CDH22: variants seen among roughly 807,000 people sequenced by gnomAD.
The protein encoded by CDH22 is cadherin 22, also known as cadherin-22.
Under a neutral mutation model 58.4 loss-of-function variants are expected in CDH22, and 30 were observed. That is an observed-to-expected ratio of 0.51 (90% CI 0.38 to 0.70). The LOEUF (loss-of-function observed/expected upper bound fraction) is 0.70. CDH22 is among the 30% of genes least tolerant of loss of function. The pLI, the probability that CDH22 is intolerant of heterozygous loss-of-function variation, is 0.00. For missense variants in CDH22, 1,014 were observed against 1,233.9 expected (o/e 0.82, Z 2.67); for synonymous variants, 513 against 558.2 (o/e 0.92, Z 1.14).
chr20:46,189,671 A>AC (rs1235507201), intron 8 of CDH22, among the ~76,000 whole-genome samples: 4 of 152,196 alleles, frequency 2.6e-5, no homozygotes, highest in Non-Finnish European at 5.9e-5. Flanking sequence ...GTCACAGGTC[A>AC]CCTTGTGAGA....
chr20:46,198,008 A>C (rs546226156), intron 8 of CDH22, among the ~76,000 whole-genome samples: 25 of 152,222 alleles, frequency 1.6e-4, no homozygotes, highest in African/African-American at 5.5e-4. Flanking sequence ...TGCAGCTCAG[A>C]GACTCAACCA....
intron 1 of CDH22, among the ~76,000 whole-genome samples, chr20:46,283,157 A>T (rs1018110611): frequency 2.6e-5 from 4 of 152,206 alleles, no homozygotes; most frequent in African/African-American, 9.6e-5. Context: ...TCCATTTTAC[A>T]GAGGAGATGC....
chr20:46,248,392 G>A (rs140148467), intron 2 of CDH22, among the ~76,000 whole-genome samples: 1 of 152,210 alleles, frequency 6.6e-6, no homozygotes, highest in Non-Finnish European at 1.5e-5. Context: ...TGACATTTAG[G>A]CAGATGCATC....
chr20:46,222,167 A>G (rs1185728252), intron 4 of CDH22, among the ~76,000 whole-genome samples: 1 of 152,198 alleles, frequency 6.6e-6, no homozygotes, highest in Admixed American at 6.5e-5. Flanking sequence ...CACATTTTGG[A>G]GATGCCTTGC....
chr20:46,194,730 T>C (rs1317782203), intron 8 of CDH22, among the ~76,000 whole-genome samples: 1 of 152,204 alleles, frequency 6.6e-6, no homozygotes, highest in African/African-American at 2.4e-5. Flanking sequence ...AAGCTGCTAT[T>C]ATTATTAATT....
intron 1 of CDH22, among the ~76,000 whole-genome samples, chr20:46,290,725 A>C (rs1470855530): frequency 6.6e-6 from 1 of 152,084 alleles, no homozygotes; most frequent in Non-Finnish European, 1.5e-5. Flanking sequence ...GAAGGAGGAG[A>C]GGGCCAGCCC....
intron 8 of CDH22, among the ~76,000 whole-genome samples, chr20:46,198,233 C>T (rs2085923026): frequency 6.6e-6 from 1 of 151,706 alleles, no homozygotes; most frequent in Non-Finnish European, 1.5e-5. Context: ...TGCCATGTCT[C>T]AGGCTCTCTC....
intron 4 of CDH22, among the ~76,000 whole-genome samples, chr20:46,226,861 A>C (rs952627891): frequency 3.3e-5 from 5 of 152,140 alleles, no homozygotes; most frequent in African/African-American, 1.2e-4. Context: ...CAGTCTTCTC[A>C]TCCTGTCCTC....
intron 7 of CDH22, among the ~76,000 whole-genome samples, chr20:46,205,414 C>T (rs1568657779): frequency 6.6e-6 from 1 of 152,278 alleles, no homozygotes; most frequent in East Asian, 1.9e-4. Context: ...AACCGAGGCT[C>T]AGAGGGGGTG....
At chr20:46,189,516 G>C (rs2085849122) in intron 8 of CDH22, among the ~76,000 whole-genome samples, 2 of 152,172 alleles carry the variant, frequency 1.3e-5, no homozygotes, top group Admixed American at 1.3e-4. Flanking sequence ...GGGAGAGACA[G>C]GGTCCTATGG....
At chr20:46,186,436 TG>T in intron 10 of CDH22, 151 bp downstream of exon 10, 1 of 656,496 alleles carries the variant, frequency 1.5e-6, no homozygotes, top group Non-Finnish European at 2.7e-6. Context: ...GCCAGTGGGC[TG>T]GGTAACAGCT....
chr20:46,210,022 G>T lies in CDH22; in HGVS notation c.1286+285C>A. On this transcript the variant is annotated intron_variant, in intron 7 of 11. Coordinates refer to ENST00000537909, the MANE Select transcript of CDH22 (RefSeq NM_021248.3). The surrounding 1 kb of genome is among the most constrained non-coding windows in gnomAD (Gnocchi z 4.5). Reference sequence around the variant, plus strand: ...CTGCAGCCAGCAGCGCGGAGACCCCGCCAGTGCAGTGCCCGCCTCTGTGTC... The same window carrying T: ...CTGCAGCCAGCAGCGCGGAGACCCCTCCAGTGCAGTGCCCGCCTCTGTGTC... 2.8e-6 allele frequency: 1 copy of T among 354,182 alleles called. No individual in the cohort carries two copies. The allele number at this position is 354,182 out of a possible 1,614,324, so 21.9% of individuals were successfully genotyped here.
intron 10 of CDH22, among the ~76,000 whole-genome samples, chr20:46,184,998 A>C (rs1205127992): frequency 1.3e-5 from 2 of 152,144 alleles, no homozygotes; most frequent in African/African-American, 4.8e-5. Context: ...AGGCAAGAGA[A>C]TCTCTTGACC....
chr20:46,254,249 A>T (rs1886667630), intron 1 of CDH22, among the ~76,000 whole-genome samples: 1 of 152,172 alleles, frequency 6.6e-6, no homozygotes, highest in African/African-American at 2.4e-5. Flanking sequence ...CACTGGGGAC[A>T]TAGCAATAAA....
chr20:46,308,076 C>T lies in CDH22; in HGVS notation c.-400+179G>A, dbSNP rs1472116622. 6.6e-6 allele frequency among the ~76,000 whole-genome samples: 1 copy of T among 151,578 alleles called. No individual in the cohort carries two copies. Among genetic ancestry groups the T allele is most frequent in the East Asian group, 2.0e-4 (1 of 5,090 alleles). On this transcript the variant is annotated intron_variant, in intron 1 of 11. Transcript: ENST00000537909. The surrounding 1 kb of genome is among the most constrained non-coding windows in gnomAD (Gnocchi z 4.3). ...GGAAACTCCCTCCCCGCCCTCCCGG[C>T]CGAGAGGAGGGGGCGCGCAGGGCCG...
At chr20:46,214,828 C>G (rs917211247) in intron 5 of CDH22, among the ~76,000 whole-genome samples, 35 of 152,228 alleles carry the variant, frequency 2.3e-4, no homozygotes, top group Admixed American at 6.5e-4. Context: ...TGCGTTTTTA[C>G]TCTCATTTTC....
At chr20:46,218,105 G>A (rs1412376888) in intron 4 of CDH22, among the ~76,000 whole-genome samples, 2 of 152,004 alleles carry the variant, frequency 1.3e-5, no homozygotes, top group Non-Finnish European at 2.9e-5. Flanking sequence ...TGCATTTTTA[G>A]TAGAGACAGG....
chr20:46,214,441 C>T (rs974799924), intron 5 of CDH22, among the ~76,000 whole-genome samples: 6 of 152,276 alleles, frequency 3.9e-5, no homozygotes, highest in African/African-American at 7.2e-5. Flanking sequence ...TTCTGAAACA[C>T]GAGATGAACA....
intron 7 of CDH22, among the ~76,000 whole-genome samples, chr20:46,202,809 C>G (rs1444992091): frequency 6.6e-6 from 1 of 152,176 alleles, no homozygotes; most frequent in Non-Finnish European, 1.5e-5. Context: ...ATCATCAGCT[C>G]AGCTGGAAAG....
Sources: gnomAD v4.1 joint callset for allele counts (sites outside exome capture counted in the v4.1 genomes callset) on GRCh38, gnomAD v4.1.1 for gene constraint, Gnocchi (gnomAD v3.1) non-coding constraint, MANE v1.5 for transcripts, NCBI Gene and HGNC (gene_info 2026-07-23, HGNC 2026-07-21) for gene names.